ZC3H12B: variants seen among roughly 807,000 people sequenced by gnomAD.
The protein encoded by ZC3H12B is zinc finger CCCH-type containing 12B, also known as probable ribonuclease ZC3H12B.
A neutral mutation model predicts 43.9 loss-of-function variants in ZC3H12B; 7 were observed. The observed-to-expected ratio is 0.16, with a 90% CI of 0.09 to 0.30. The LOEUF (loss-of-function observed/expected upper bound fraction) is 0.30, where lower values mean the gene tolerates loss of function less well. Ranked by LOEUF, ZC3H12B falls within the 10% of genes least tolerant of loss-of-function variation. The pLI is 1.00. For missense variants in ZC3H12B, 475 were observed against 670.2 expected, an observed-to-expected ratio of 0.71 and a Z score of 3.22; for synonymous variants, 222 against 241.7, an observed-to-expected ratio of 0.92 and a Z score of 0.76.
At chrX:65,454,235 C>G (rs1210105186) in intron 3 of ZC3H12B, among the ~76,000 whole-genome samples, 2 of 112,248 alleles carry the variant, frequency 1.8e-5, no homozygotes, top group Admixed American at 1.9e-4. Context: ...AACTCCCTTT[C>G]CTAGGGGTGA....
At chrX:65,392,287 T>C (rs1410276458) in intron 2 of ZC3H12B, among the ~76,000 whole-genome samples, 2 of 109,858 alleles carry the variant, frequency 1.8e-5, no homozygotes, top group Non-Finnish European at 3.8e-5. Context: ...GAGGAGTGCC[T>C]CTTCCCGGCC....
chrX:65,379,330 C>T (rs1331656908), intron 2 of ZC3H12B, among the ~76,000 whole-genome samples: 1 of 111,558 alleles, frequency 9.0e-6, no homozygotes, highest in Non-Finnish European at 1.9e-5. Context: ...CTGGGAGACA[C>T]CCCCCAGCAA....
chrX:65,224,727 G>A, the ZC3H12B span, among the ~76,000 whole-genome samples: 4 of 111,982 alleles, frequency 3.6e-5, no homozygotes, highest in Non-Finnish European at 7.5e-5. Flanking sequence ...ATTATATCCC[G>A]CACATGACTC....
chrX:65,185,577 A>T, the ZC3H12B span: 2 of 111,500 alleles, frequency 1.8e-5, no homozygotes, highest in African/African-American at 6.5e-5. Context: ...AAAACAATTT[A>T]AGTTGGTTCA....
intron 2 of ZC3H12B, among the ~76,000 whole-genome samples, chrX:65,370,241 A>C (rs775069312): frequency 3.4e-4 from 38 of 112,068 alleles, no homozygotes; most frequent in Non-Finnish European, 6.0e-4. Context: ...TTCAGAATTC[A>C]TTAAGTATGG....
At chrX:65,097,934 A>G in the ZC3H12B span, among the ~76,000 whole-genome samples, 1 of 111,734 alleles carries the variant, frequency 8.9e-6, no homozygotes, top group Admixed American at 9.5e-5. Flanking sequence ...CTTTGTCAAA[A>G]GTCCCTTCTT....
chrX:65,506,427 A>T (rs1377635638), exon 5 of ZC3H12B: 1 of 112,133 alleles, frequency 8.9e-6, no homozygotes, highest in East Asian at 2.8e-4. Context: ...CTGTAATTAT[A>T]AAACAGCAAA....
At chrX:65,102,005 A>T in the ZC3H12B span, among the ~76,000 whole-genome samples, 1 of 112,052 alleles carries the variant, frequency 8.9e-6, no homozygotes, top group African/African-American at 3.2e-5. Context: ...GGCAAACCGA[A>T]CGCAGCAGCA....
the ZC3H12B span, among the ~76,000 whole-genome samples, chrX:65,229,514 A>G: frequency 9.0e-5 from 10 of 110,949 alleles, no homozygotes; most frequent in African/African-American, 3.3e-4. Context: ...CAATGGCAAC[A>G]AAAGCCAAAA....
the ZC3H12B span, among the ~76,000 whole-genome samples, chrX:65,081,846 C>A: frequency 9.0e-6 from 1 of 111,723 alleles, no homozygotes; most frequent in Non-Finnish European, 1.9e-5. Context: ...TTTCTCAGCA[C>A]ATAGATCATT....
At chrX:65,162,853 G>C in the ZC3H12B span, among the ~76,000 whole-genome samples, 4 of 112,108 alleles carry the variant, frequency 3.6e-5, no homozygotes, top group Non-Finnish European at 7.5e-5. Flanking sequence ...CTTCTTTTTA[G>C]AGTTTCCAGT....
At chrX:65,064,746 A>C in the ZC3H12B span, among the ~76,000 whole-genome samples, 1 of 111,773 alleles carries the variant, frequency 8.9e-6, no homozygotes, top group African/African-American at 3.3e-5. Context: ...GTGCAATGTT[A>C]AAGTCTCCCA....
the ZC3H12B span, among the ~76,000 whole-genome samples, chrX:65,159,467 C>T: frequency 1.7e-4 from 19 of 111,502 alleles, no homozygotes; most frequent in African/African-American, 5.9e-4. Flanking sequence ...AGTTCTCCTT[C>T]AGGAGGTCCT....
At chrX:65,328,136 G>T in the ZC3H12B span, 1 of 229,882 alleles carries the variant, frequency 4.4e-6, no homozygotes, top group Non-Finnish European at 8.9e-6. Flanking sequence ...CGGTGTCTAG[G>T]CCAACATTGC....
chrX:65,065,876 C>G, the ZC3H12B span, among the ~76,000 whole-genome samples: 2 of 105,998 alleles, frequency 1.9e-5, no homozygotes, highest in African/African-American at 6.9e-5. Context: ...TGTCTTCACT[C>G]TTTATTTCAT....
At chrX:65,119,684 C>T in the ZC3H12B span, among the ~76,000 whole-genome samples, 1 of 111,571 alleles carries the variant, frequency 9.0e-6, no homozygotes, top group Admixed American at 9.5e-5. Context: ...GCTTCTGTTG[C>T]CATTGCTTTT....
At chrX:65,242,449 C>G in the ZC3H12B span, among the ~76,000 whole-genome samples, 1 of 111,063 alleles carries the variant, frequency 9.0e-6, no homozygotes, top group East Asian at 2.8e-4. Context: ...TGAGAGATCT[C>G]TATAATGAAA....
intron 3 of ZC3H12B, among the ~76,000 whole-genome samples, chrX:65,432,870 C>T (rs1222851640): frequency 8.9e-6 from 1 of 111,751 alleles, no homozygotes; most frequent in Non-Finnish European, 1.9e-5. Context: ...GCTCCTATGT[C>T]CAATCAGTAT....
the ZC3H12B span, among the ~76,000 whole-genome samples, chrX:65,211,691 T>C: frequency 1.1e-5 from 1 of 90,263 alleles, no homozygotes; most frequent in African/African-American, 4.1e-5. Context: ...ATATATATAA[T>C]ATTATATAAT....
Sources: allele counts gnomAD v4.1 joint callset (sites outside exome capture counted in the v4.1 genomes callset), GRCh38; gene constraint gnomAD v4.1.1; transcripts MANE v1.5; gene names NCBI Gene and HGNC (gene_info 2026-07-23, HGNC 2026-07-21).